The following PYGO1 variants were observed in gnomAD, a reference collection of about 807,000 sequenced individuals.
PYGO1 encodes pygopus homolog 1.
PYGO1 carries 6 observed loss-of-function variants against 29.5 expected under a neutral mutation model. The observed-to-expected ratio is 0.20, with a 90% CI of 0.11 to 0.40. The LOEUF (loss-of-function observed/expected upper bound fraction) is 0.40. Among genes scored for constraint, PYGO1 ranks in the 10% least tolerant of loss-of-function variants. The probability of loss-of-function intolerance (pLI) is 1.00; values close to 1 mark genes in which losing one functional copy is unlikely to be tolerated. For synonymous variants in PYGO1, 186 were observed against 180.5 expected (o/e 1.03, Z -0.24); for missense variants, 515 against 514.9 (o/e 1.00, Z 0.00).
Position 55,541,503 on chromosome 15 carries a change from G to A in PYGO1, c.*4520C>T, listed in dbSNP as rs2058827927. On this transcript the variant is annotated 3_prime_UTR_variant, in exon 3 of 3. Coordinates refer to ENST00000563719, the MANE Select transcript of PYGO1 (RefSeq NM_001367806.1). ...TATCTGAAATGCGGTCATATTGTCT[G>A]AAATGTTAGATATTAAAGATTCATT... 2 of 152,116 alleles carry A rather than the reference G, an allele frequency of 1.3e-5. No homozygotes were observed. Among genetic ancestry groups the A allele is most frequent in the African/African-American group, 4.8e-5 (2 of 41,420 alleles). 9.4% of individuals were successfully genotyped at this position (152,116 alleles called of 1,614,324 possible).
upstream of PYGO1, among the ~76,000 whole-genome samples, chr15:55,588,595 T>G (rs1424003934): frequency 6.7e-6 from 1 of 148,702 alleles, no homozygotes; most frequent in Admixed American, 6.7e-5. Context: ...CCGCGGCTCT[T>G]GCAGCCCGGG....
At chr15:55,586,967 G>A (rs746823178) in intron 1 of PYGO1, among the ~76,000 whole-genome samples, 3 of 152,164 alleles carry the variant, frequency 2.0e-5, no homozygotes, top group Non-Finnish European at 4.4e-5. Flanking sequence ...TATCTGCTTT[G>A]TTCACTGCTG....
At position 55,585,653 on chromosome 15, in the gene PYGO1, C is replaced by T. The variant is rs150852004; in HGVS notation, c.49+2182G>A. ...ACACCGGAGCCAACCCCAATAGCTA[C>T]GCCATAGAACTTAACAGCAGTTGGA... On this transcript the variant is annotated intron_variant, in intron 1 of 2. Coordinates refer to ENST00000563719, the MANE Select transcript of PYGO1 (RefSeq NM_001367806.1). Among the ~76,000 whole-genome samples the T allele has an allele frequency of 3.7e-3, 563 of 152,276 alleles. 3 individuals are homozygous for T. The highest frequency in any genetic ancestry group is 0.013 in the African/African-American group (527 of 41,548).
intron 1 of PYGO1, among the ~76,000 whole-genome samples, chr15:55,579,748 C>G (rs565461535): frequency 5.3e-5 from 8 of 152,252 alleles, no homozygotes; most frequent in African/African-American, 1.9e-4. Flanking sequence ...TATAAATGGA[C>G]AAAATATACT....
chr15:55,548,746 A>AAAAG lies in PYGO1; in HGVS notation c.135+160_135+163dup, dbSNP rs2058864641. Among the ~76,000 whole-genome samples the AAAAG allele has an allele frequency of 4.6e-5, 6 of 129,466 alleles. No individual in the cohort carries two copies. In the South Asian group the frequency reaches 1.5e-3, roughly 33 times the overall value. The allele number at this position is 129,466 out of a possible 152,430, so 84.9% of individuals were successfully genotyped here. ...AAAAAAAAAAAAAAAAAAAAAAAAA[A>AAAAG]AAAGAAAGTACCATCACTGGAATGA... On this transcript the variant is annotated intron_variant, in intron 2 of 2. Coordinates refer to ENST00000563719, the MANE Select transcript of PYGO1 (RefSeq NM_001367806.1).
chr15:55,573,537 T>C (rs1339429240), intron 1 of PYGO1, among the ~76,000 whole-genome samples: 1 of 152,078 alleles, frequency 6.6e-6, no homozygotes, highest in Admixed American at 6.5e-5. Flanking sequence ...TTATGTGCAC[T>C]CCCATGTTTG....
At chr15:55,580,976 T>G (rs1412919967) in intron 1 of PYGO1, among the ~76,000 whole-genome samples, 2 of 152,214 alleles carry the variant, frequency 1.3e-5, no homozygotes, top group Non-Finnish European at 2.9e-5. Flanking sequence ...TTCAGAAACA[T>G]TTGTTGAGCT....
At chr15:55,586,668 C>A (rs1157216405) in intron 1 of PYGO1, among the ~76,000 whole-genome samples, 6 of 152,170 alleles carry the variant, frequency 3.9e-5, no homozygotes, top group Non-Finnish European at 7.3e-5. Context: ...ATTCCAGACA[C>A]AGGGGCTTTG....
At chr15:55,578,450 G>A (rs1000203132) in intron 1 of PYGO1, among the ~76,000 whole-genome samples, 1 of 151,936 alleles carries the variant, frequency 6.6e-6, no homozygotes, top group Non-Finnish European at 1.5e-5. Context: ...TTTCCACAGT[G>A]GCTACATCAT....
At chr15:55,561,763 T>C (rs7164249) in intron 1 of PYGO1, among the ~76,000 whole-genome samples, 1 of 152,178 alleles carries the variant, frequency 6.6e-6, no homozygotes, top group African/African-American at 2.4e-5. Flanking sequence ...ACTAAAAGAA[T>C]ATCTAGGCAA....
Position 55,546,755 on chromosome 15 carries a change from A to G in PYGO1, c.528T>C (p.Phe176=). The change falls in exon 3 of 3, where the codon TTT becomes TTC. Residue 176 remains phenylalanine, a synonymous_variant. Coordinates refer to ENST00000563719, the MANE Select transcript of PYGO1 (RefSeq NM_001367806.1). ...TGAAATTTTCAGCAGGATTTTGTCT[A>G]AAATGTTGATTAGGCATGTTGACAT... ...SQNVNMPNQH[F]RQNPAENFSQ... is the part of the protein sequence containing the mutation. 1 of 1,614,116 alleles carries G rather than the reference A, an allele frequency of 6.2e-7. No individual in the cohort carries two copies. Among genetic ancestry groups the G allele is most frequent in the Non-Finnish European group, 8.5e-7 (1 of 1,179,970 alleles).
Position 55,587,719 on chromosome 15 carries a change from G to C in PYGO1, c.49+116C>G, listed in dbSNP as rs1397388159. 8 of 1,204,228 alleles carry C rather than the reference G, an allele frequency of 6.6e-6. 1 individual carries two copies. In the South Asian group the frequency reaches 3.0e-4, roughly 45 times the overall value. 74.6% of individuals were successfully genotyped at this position (1,204,228 alleles called of 1,614,324 possible). A position where few individuals can be genotyped will look rare whatever the true frequency, so the allele number is the denominator to read the frequency against. On this transcript the variant is annotated intron_variant, in intron 1 of 2. Coordinates refer to ENST00000563719, the MANE Select transcript of PYGO1 (RefSeq NM_001367806.1). ...CTCGGCCCCGGGGTGCCGGCGGGAC[G>C]CGGGCTGCGCGGACTTAGGCCCGGA...
chr15:55,567,265 T>C (rs2058961128), intron 1 of PYGO1, among the ~76,000 whole-genome samples: 1 of 120,180 alleles, frequency 8.3e-6, no homozygotes, highest in Non-Finnish European at 1.6e-5. Flanking sequence ...CTGGGTGCAG[T>C]GGTGTGAAGA....
chr15:55,540,154 C>A lies in PYGO1; in HGVS notation c.*5869G>T, dbSNP rs1263772502. On this transcript the variant is annotated 3_prime_UTR_variant, in exon 3 of 3. Transcript: ENST00000563719. ...AAGATGAAACATTTTTCTTTAAAATCGTGATTATAACCTTTATTACCAAAT... is the reference window on the plus strand; with the variant it reads ...AAGATGAAACATTTTTCTTTAAAATAGTGATTATAACCTTTATTACCAAAT... 1 of 151,982 alleles carries A rather than the reference C, an allele frequency of 6.6e-6. No individual in the cohort carries two copies. Among genetic ancestry groups the A allele is most frequent in the Non-Finnish European group, 1.5e-5 (1 of 67,916 alleles). The allele number at this position is 151,982 out of a possible 1,614,324, so 9.4% of individuals were successfully genotyped here.
At chr15:55,553,089 G>T (rs1393582675) in intron 1 of PYGO1, among the ~76,000 whole-genome samples, 4 of 152,096 alleles carry the variant, frequency 2.6e-5, no homozygotes, top group Non-Finnish European at 1.5e-5. Flanking sequence ...TGGACGAAGG[G>T]GAGTGCTCTA....
Position 55,542,615 on chromosome 15 carries a change from G to C in PYGO1, c.*3408C>G, listed in dbSNP as rs1380286443. On this transcript the variant is annotated 3_prime_UTR_variant, in exon 3 of 3. Coordinates refer to ENST00000563719, the MANE Select transcript of PYGO1 (RefSeq NM_001367806.1). ...AGTGCATGAGCAAGTCAAGTTCTGA[G>C]AAAGGAACTGATGCTTTTTAAAATT... 1 of 152,196 alleles carries C rather than the reference G, an allele frequency of 6.6e-6. No individual in the cohort carries two copies. The highest frequency in any genetic ancestry group is 6.5e-5 in the Admixed American group (1 of 15,272). The allele number at this position is 152,196 out of a possible 1,614,324, so 9.4% of individuals were successfully genotyped here.
In PYGO1 at chr15:55,585,237, T is replaced by C. The variant is rs182211909; in HGVS notation, c.49+2598A>G. Among the ~76,000 whole-genome samples the C allele has an allele frequency of 1.9e-3, 297 of 152,340 alleles. 1 individual carries two copies. The highest frequency in any genetic ancestry group is 7.0e-3 in the African/African-American group (291 of 41,574). Reference sequence around the variant, plus strand: ...TATACACATATGTATCTTAGCCTTATCCTAAGCAAGGTATTTGGTGACTCT... The same window carrying C: ...TATACACATATGTATCTTAGCCTTACCCTAAGCAAGGTATTTGGTGACTCT... On this transcript the variant is annotated intron_variant, in intron 1 of 2. Transcript: ENST00000563719.
At chr15:55,551,891 A>G (rs186832345) in intron 1 of PYGO1, among the ~76,000 whole-genome samples, 2 of 152,318 alleles carry the variant, frequency 1.3e-5, no homozygotes, top group Non-Finnish European at 2.9e-5. Context: ...ATACATCATG[A>G]CAAAGCGGGA....
At chr15:55,549,355 C>T (rs752697684) in intron 1 of PYGO1, among the ~76,000 whole-genome samples, 46 of 151,902 alleles carry the variant, frequency 3.0e-4, no homozygotes, top group Non-Finnish European at 5.9e-4. Flanking sequence ...ATTTTTTTGG[C>T]GGGGAGGACA....
Sources: gnomAD v4.1 joint callset for allele counts (sites outside exome capture counted in the v4.1 genomes callset) on GRCh38, gnomAD v4.1.1 for gene constraint, MANE v1.5 for transcripts, NCBI Gene and HGNC (gene_info 2026-07-23, HGNC 2026-07-21) for gene names.